Variants in GRM7 observed in about 807,000 individuals in gnomAD.
GRM7 encodes glutamate metabotropic receptor 7, also known as metabotropic glutamate receptor 7.
Under a neutral mutation model 84.5 loss-of-function variants are expected in GRM7, and 35 were observed. The ratio of observed to expected loss-of-function variants is 0.41; its 90% confidence interval spans 0.32 to 0.55. The LOEUF (loss-of-function observed/expected upper bound fraction) is 0.55, where lower values mean the gene tolerates loss of function less well. Ranked by LOEUF, GRM7 falls within the 20% of genes least tolerant of loss-of-function variation. The probability of loss-of-function intolerance (pLI) is 0.19; values close to 1 mark genes in which losing one functional copy is unlikely to be tolerated. For missense variants in GRM7, 1,003 were observed against 1,194.6 expected, an observed-to-expected ratio of 0.84 and a Z score of 2.36; for synonymous variants, 487 against 455.1, an observed-to-expected ratio of 1.07 and a Z score of -0.89.
At chr3:7,506,524 T>A (rs1361928115) in intron 7 of GRM7, among the ~76,000 whole-genome samples, 1 of 152,194 alleles carries the variant, frequency 6.6e-6, no homozygotes, top group East Asian at 1.9e-4. Context: ...CTTAGTAGAA[T>A]TTTCTGTCTT....
intron 2 of GRM7, among the ~76,000 whole-genome samples, chr3:7,247,983 T>C (rs1389781365): frequency 6.6e-6 from 1 of 152,160 alleles, no homozygotes; most frequent in African/African-American, 2.4e-5. Context: ...AGTAATATTA[T>C]TGTTGTTCAC....
At chr3:6,975,700 A>G (rs1353593820) in intron 1 of GRM7, among the ~76,000 whole-genome samples, 1 of 151,942 alleles carries the variant, frequency 6.6e-6, no homozygotes, top group Non-Finnish European at 1.5e-5. Flanking sequence ...AATATATTTT[A>G]TTTTGCTGTT....
At chr3:7,266,752 A>C (rs920952195) in intron 2 of GRM7, among the ~76,000 whole-genome samples, 7 of 152,222 alleles carry the variant, frequency 4.6e-5, no homozygotes, top group African/African-American at 1.7e-4. Context: ...TCAAATTTTG[A>C]GTTGCTGAAT....
intron 1 of GRM7, among the ~76,000 whole-genome samples, chr3:6,958,107 A>G (rs757597327): frequency 2.6e-5 from 4 of 151,950 alleles, no homozygotes; most frequent in African/African-American, 9.7e-5. Context: ...ATATATATAT[A>G]CCCACTAGCC....
chr3:7,485,409 T>C (rs993652437), intron 7 of GRM7, among the ~76,000 whole-genome samples: 2 of 152,196 alleles, frequency 1.3e-5, no homozygotes, highest in Non-Finnish European at 2.9e-5. Flanking sequence ...ATTCATCAAG[T>C]TGGAGAAGTA....
At chr3:7,381,472 G>T (rs1318282599) in intron 4 of GRM7, among the ~76,000 whole-genome samples, 1 of 152,082 alleles carries the variant, frequency 6.6e-6, no homozygotes, top group Non-Finnish European at 1.5e-5. Context: ...ATGGATCATT[G>T]GGGAGGCAAG....
At chr3:7,291,489 G>GCTCT (rs71063301) in intron 2 of GRM7, among the ~76,000 whole-genome samples, 45 of 109,708 alleles carry the variant, frequency 4.1e-4, no homozygotes, top group Non-Finnish European at 7.5e-4. Flanking sequence ...AGTCATGCCA[G>GCTCT]CTCTCTCTCT....
intron 1 of GRM7, among the ~76,000 whole-genome samples, chr3:6,872,612 A>T (rs1695160548): frequency 6.6e-6 from 1 of 151,698 alleles, no homozygotes. Context: ...TCCCTCCCTT[A>T]GCCCCCCCAA....
At chr3:6,890,160 T>G (rs529806005) in intron 1 of GRM7, among the ~76,000 whole-genome samples, 1 of 152,334 alleles carries the variant, frequency 6.6e-6, no homozygotes, top group South Asian at 2.1e-4. Context: ...CTATCAATTT[T>G]GTTGATCCTT....
intron 4 of GRM7, among the ~76,000 whole-genome samples, chr3:7,361,574 AC>A (rs1693665672): frequency 6.6e-6 from 1 of 151,952 alleles, no homozygotes; most frequent in Admixed American, 6.6e-5. Flanking sequence ...GGTTCCGAAG[AC>A]CCCCTGTAGA....
chr3:7,172,518 T>C (rs962729260), intron 2 of GRM7, among the ~76,000 whole-genome samples: 1 of 151,410 alleles, frequency 6.6e-6, no homozygotes, highest in Non-Finnish European at 1.5e-5. Context: ...CCCCAGGACA[T>C]CCGTGAAAGA....
intron 2 of GRM7, among the ~76,000 whole-genome samples, chr3:7,238,242 A>T (rs1237387897): frequency 6.6e-6 from 1 of 152,142 alleles, no homozygotes; most frequent in East Asian, 1.9e-4. Context: ...CTGTCCAACA[A>T]GCCCAGGCCA....
chr3:7,077,507 G>A (rs1698130308), intron 1 of GRM7, among the ~76,000 whole-genome samples: 1 of 150,906 alleles, frequency 6.6e-6, no homozygotes, highest in Admixed American at 6.6e-5. Flanking sequence ...TCACTCATAA[G>A]TGGGAGTTGA....
chr3:7,345,275 T>C (rs923761784), intron 4 of GRM7, among the ~76,000 whole-genome samples: 1 of 140,122 alleles, frequency 7.1e-6, no homozygotes, highest in Non-Finnish European at 1.6e-5. Context: ...CAATTATTCC[T>C]TTTTTTTTTT....
chr3:7,129,327 CT>C (rs1693513108), intron 1 of GRM7, among the ~76,000 whole-genome samples: 2 of 152,176 alleles, frequency 1.3e-5, no homozygotes, highest in African/African-American at 4.8e-5. Context: ...TTTACAAGTT[CT>C]CTAGCCTAAA....
intron 2 of GRM7, among the ~76,000 whole-genome samples, chr3:7,281,696 A>G (rs1489663571): frequency 6.6e-6 from 1 of 152,160 alleles, no homozygotes; most frequent in East Asian, 1.9e-4. Flanking sequence ...TGCTCAATAT[A>G]AACATCAGCC....
chr3:6,908,796 G>A (rs896021269), intron 1 of GRM7, among the ~76,000 whole-genome samples: 41 of 152,100 alleles, frequency 2.7e-4, no homozygotes, highest in Non-Finnish European at 2.2e-4. Context: ...TTAAGATCAC[G>A]TTCCTATTAG....
chr3:7,598,848 C>G (rs1007076284), intron 8 of GRM7, among the ~76,000 whole-genome samples: 36 of 152,210 alleles, frequency 2.4e-4, no homozygotes, highest in Non-Finnish European at 2.5e-4. Flanking sequence ...AAAAATGGAC[C>G]ATTGATGACT....
chr3:7,642,470 G>T (rs867673804), intron 8 of GRM7, among the ~76,000 whole-genome samples: 21 of 152,254 alleles, frequency 1.4e-4, no homozygotes, highest in Non-Finnish European at 2.2e-4. Context: ...TTTTGAGTGG[G>T]TTCCTGCTTT....
Sources: allele counts gnomAD v4.1 joint callset (sites outside exome capture counted in the v4.1 genomes callset), GRCh38; gene constraint gnomAD v4.1.1; transcripts MANE v1.5; gene names NCBI Gene and HGNC (gene_info 2026-07-23, HGNC 2026-07-21).